The following PITRM1 variants were observed in gnomAD, a reference collection of about 807,000 sequenced individuals.
The protein encoded by PITRM1 is presequence protease, mitochondrial.
Under a neutral mutation model 129.9 loss-of-function variants are expected in PITRM1, and 100 were observed. The ratio of observed to expected loss-of-function variants is 0.77; its 90% CI spans 0.65 to 0.91. PITRM1 has a LOEUF of 0.91. PITRM1 is among the 40% of genes least tolerant of loss of function. The probability of loss-of-function intolerance (pLI) is 0.00; values close to 1 mark genes in which losing one functional copy is unlikely to be tolerated. For missense variants in PITRM1, 1,471 were observed against 1,318.3 expected (o/e 1.12, Z -1.79); for synonymous variants, 591 against 508.8 (o/e 1.16, Z -2.17).
intron 19 of PITRM1, 63 bp from the exon 20 acceptor site, chr10:3,147,313 C>A (rs1351513846): frequency 1.6e-6 from 2 of 1,232,402 alleles, no homozygotes; most frequent in Admixed American, 1.8e-5. Context: ...TGAGTCTGAA[C>A]CAAGCACCTG....
At chr10:3,146,918 C>G (rs2132390995) in intron 20 of PITRM1, 1 of 329,370 alleles carries the variant, frequency 3.0e-6, no homozygotes, top group East Asian at 6.9e-5. Flanking sequence ...ACTACTTGCC[C>G]TCAATCTATT....
intron 2 of PITRM1, among the ~76,000 whole-genome samples, chr10:3,168,585 G>A (rs1334718147): frequency 6.8e-6 from 1 of 147,080 alleles, no homozygotes; most frequent in Non-Finnish European, 1.5e-5. Flanking sequence ...GAATCAAGAG[G>A]GCGGTTTCCT....
intron 4 of PITRM1, 88 bp downstream of exon 4, chr10:3,166,141 C>T (rs1306881530): frequency 8.8e-7 from 1 of 1,134,702 alleles, no homozygotes; most frequent in South Asian, 1.8e-5. Context: ...TTGCCCACTC[C>T]CCTCATTCCT....
chr10:3,169,460 A>G (rs1843158528), intron 2 of PITRM1, among the ~76,000 whole-genome samples: 1 of 152,236 alleles, frequency 6.6e-6, no homozygotes, highest in Admixed American at 6.5e-5. Context: ...TCACAGCCGC[A>G]GCAGTCTTTC....
rs1588635572 is a variant in PITRM1 at position 3,143,169 on chromosome 10, A to T, written c.2645+220T>A. 6 of 566,592 alleles carry T rather than the reference A, an allele frequency of 1.1e-5. No individual in the cohort carries two copies. In the East Asian group the frequency reaches 1.8e-4, roughly 17 times the overall value. The allele number at this position is 566,592 out of a possible 1,614,324, so 35.1% of individuals were successfully genotyped here. On this transcript the variant is annotated intron_variant, in intron 23 of 26. Transcript: ENST00000224949. ...ATTGTTCATAGGACTCCTCAATAAT[A>T]GAAATTGTTTACAAAAATGACTGGC...
intron 24 of PITRM1, among the ~76,000 whole-genome samples, chr10:3,139,515 C>G (rs930569503): frequency 2.0e-5 from 3 of 152,002 alleles, no homozygotes; most frequent in Middle Eastern, 3.4e-3. Flanking sequence ...AAGAGCCCAG[C>G]CCTCCCTTCA....
intron 13 of PITRM1, among the ~76,000 whole-genome samples, 160 bp downstream of exon 13, chr10:3,156,770 A>C (rs1842017134): frequency 6.6e-6 from 1 of 152,238 alleles, no homozygotes; most frequent in African/African-American, 2.4e-5. Flanking sequence ...TACAATCTGG[A>C]AAATAATTAA....
Position 3,149,667 on chromosome 10 carries a change from CG to C in PITRM1, c.1824del (p.Glu609ArgfsTer3). On this transcript the variant is annotated frameshift_variant, in exon 16 of 27. Coordinates refer to ENST00000224949, the MANE Select transcript of PITRM1 (RefSeq NM_014889.4). LOFTEE classifies it high-confidence loss of function. ...FRAFSSLNTL[P>X]EELRPYVPLF... ...AGGGGCACATAGGGCCTCAGCTCCT[CG>C]GGGAGTGTGTTCAGGCTGGAGAAGG... 1 of 1,604,756 alleles carries C rather than the reference CG, an allele frequency of 6.2e-7. No individual in the cohort carries two copies. Among genetic ancestry groups the C allele is most frequent in the Non-Finnish European group, 8.5e-7 (1 of 1,176,566 alleles).
At position 3,163,800 on chromosome 10, in the gene PITRM1, G is replaced by C. The variant is rs780847200; in HGVS notation, c.716C>G (p.Pro239Arg). The change falls in exon 7 of 27, where the codon CCA (proline) becomes CGA (arginine). Residue 239 changes from proline (P) to arginine (R), a missense_variant. Transcript: ENST00000224949. ...HTYSVVSGGD[P>R]LCIPELTWEQ... ...CCATGTAAGCTCCGGGATGCACAGT[G>C]GGTCACCCCCGGAGACCACTGAGTA... is the stretch of plus-strand genomic sequence containing the variant. 1.2e-6 allele frequency: 2 copies of C among 1,612,724 alleles called. No homozygotes were observed. The highest frequency in any genetic ancestry group is 3.3e-5 in the Admixed American group (2 of 59,956).
At position 3,168,254 on chromosome 10, in the gene PITRM1, G is replaced by A. The variant is rs368930715; in HGVS notation, c.160-1212C>T. 6.6e-5 allele frequency among the ~76,000 whole-genome samples: 10 copies of A among 152,120 alleles called. No individual in the cohort carries two copies. The East Asian group carries it at 7.7e-4, about 12-fold the overall frequency. On this transcript the variant is annotated intron_variant, in intron 2 of 26. Transcript: ENST00000224949. The stretch of plus-strand genomic sequence containing the variant: ...ACTATGACCTGCATCATCTACCGCC[G>A]CGAAATTACTTCTGTTTCCAAGCTC...
chr10:3,171,199 G>A (rs761126043), intron 1 of PITRM1, among the ~76,000 whole-genome samples: 2 of 104,498 alleles, frequency 1.9e-5, no homozygotes, highest in African/African-American at 3.9e-5. Flanking sequence ...ACCAATATAA[G>A]GGCCTACAGT....
At chr10:3,146,734 C>T (rs531033417) in intron 20 of PITRM1, 9 of 154,760 alleles carry the variant, frequency 5.8e-5, no homozygotes, top group African/African-American at 2.2e-4. Flanking sequence ...AAACTTTATT[C>T]ATGCTCACAC....
At chr10:3,156,555 T>A (rs116101836) in intron 13 of PITRM1, among the ~76,000 whole-genome samples, 2,581 of 152,282 alleles carry the variant, frequency 0.017, 59 homozygotes, top group African/African-American at 0.05. Context: ...CCTAAAAATC[T>A]GAGAAAACAA....
intron 24 of PITRM1, among the ~76,000 whole-genome samples, chr10:3,140,380 G>T (rs9423700): frequency 0.29 from 44,439 of 152,040 alleles, 6,639 homozygotes; most frequent in African/African-American, 0.34. Flanking sequence ...AGACCGAGGG[G>T]GACTGTGGGT....
At chr10:3,167,559 C>T (rs534210960) in intron 2 of PITRM1, among the ~76,000 whole-genome samples, 39 of 152,296 alleles carry the variant, frequency 2.6e-4, no homozygotes, top group Middle Eastern at 3.4e-3. Flanking sequence ...TAACAGAGCG[C>T]CCTTTCCAAT....
chr10:3,148,083 G>A lies in PITRM1; in HGVS notation c.1993-20C>T. ...CACACCCTGAACCAAAGAAAACACA[G>A]AAGAAAGGAATTAGGGCCGAATCGA... On this transcript the variant is annotated intron_variant, in intron 17 of 26. Transcript: ENST00000224949. The A allele has an allele frequency of 1.9e-6, 3 of 1,613,768 alleles. No homozygotes were observed. The highest frequency in any genetic ancestry group is 2.2e-5 in the South Asian group (2 of 91,076).
At chr10:3,158,273 G>A in intron 10 of PITRM1, 120 bp from the exon 11 acceptor site, 1 of 652,220 alleles carries the variant, frequency 1.5e-6, no homozygotes, top group Non-Finnish European at 2.7e-6. Flanking sequence ...CCACTGAAAA[G>A]CTCATTAAAG....
intron 14 of PITRM1, among the ~76,000 whole-genome samples, 188 bp from the exon 15 acceptor site, chr10:3,151,551 C>G (rs966627852): frequency 3.9e-5 from 6 of 152,172 alleles, no homozygotes; most frequent in African/African-American, 1.4e-4. Flanking sequence ...GCACTAATAA[C>G]CTGCTTAGTG....
chr10:3,140,548 T>C, intron 24 of PITRM1, 139 bp downstream of exon 24: 1 of 735,122 alleles, frequency 1.4e-6, no homozygotes, highest in South Asian at 1.9e-5. Flanking sequence ...TGTGGCTAAG[T>C]GCCCAAGGAG....
Sources: gnomAD v4.1 joint callset for allele counts (sites outside exome capture counted in the v4.1 genomes callset) on GRCh38, gnomAD v4.1.1 for gene constraint, MANE v1.5 for transcripts, NCBI Gene and HGNC (gene_info 2026-07-23, HGNC 2026-07-21) for gene names.